Variants in IQCB1 observed in about 807,000 individuals in gnomAD.
IQCB1 encodes IQ calmodulin-binding motif-containing protein 1.
In IQCB1, 56 loss-of-function variants were observed where a neutral mutation model predicts 84.4. The ratio of observed to expected loss-of-function variants is 0.66; its 90% CI spans 0.54 to 0.83. IQCB1 has a LOEUF of 0.83. Ranked by LOEUF, IQCB1 falls within the 40% of genes least tolerant of loss-of-function variation. IQCB1 has a pLI of 0.00. For missense variants in IQCB1, 629 were observed against 682.1 expected, an observed-to-expected ratio of 0.92 and a Z score of 0.87; for synonymous variants, 210 against 234.8, an observed-to-expected ratio of 0.89 and a Z score of 0.96.
At chr3:121,799,125 T>G in intron 8 of IQCB1, 71 bp downstream of exon 8, 4 of 1,118,790 alleles carry the variant, frequency 3.6e-6, no homozygotes, top group Non-Finnish European at 5.4e-6. Context: ...ATAAGAATTT[T>G]GTTTTTCATA....
At chr3:121,776,995 C>T (rs1311504588) in intron 13 of IQCB1, among the ~76,000 whole-genome samples, 1 of 152,126 alleles carries the variant, frequency 6.6e-6, no homozygotes, top group Non-Finnish European at 1.5e-5. Context: ...TTTTAAATTT[C>T]AATAAAGCCA....
At chr3:121,812,359 C>T (rs1298317328) in intron 5 of IQCB1, among the ~76,000 whole-genome samples, 2 of 152,260 alleles carry the variant, frequency 1.3e-5, no homozygotes, top group East Asian at 3.9e-4. Flanking sequence ...ACCAGAACGC[C>T]TCTTCTCCAC....
chr3:121,825,120 G>C, intron 5 of IQCB1, among the ~76,000 whole-genome samples: 1 of 150,650 alleles, frequency 6.6e-6, no homozygotes, highest in East Asian at 1.9e-4. Flanking sequence ...GAGAGCAATG[G>C]CACTATCTTG....
intron 11 of IQCB1, 60 bp downstream of exon 11, chr3:121,790,013 T>G (rs559328108): frequency 5.6e-6 from 8 of 1,435,436 alleles, no homozygotes; most frequent in Non-Finnish European, 6.8e-6. Context: ...CTAGAAAAGT[T>G]GGTTTGTTAA....
intron 5 of IQCB1, among the ~76,000 whole-genome samples, chr3:121,817,235 A>G (rs997515564): frequency 1.3e-5 from 2 of 152,166 alleles, no homozygotes; most frequent in African/African-American, 4.8e-5. Flanking sequence ...AGGGAGGGGA[A>G]CATCACACAC....
At chr3:121,817,759 T>C (rs1950126367) in intron 5 of IQCB1, among the ~76,000 whole-genome samples, 3 of 152,046 alleles carry the variant, frequency 2.0e-5, no homozygotes, top group Non-Finnish European at 1.5e-5. Context: ...TAACCTCTAA[T>C]GTGATGGTGG....
Position 121,780,862 on chromosome 3 carries a change from GTA to G in IQCB1, c.1410+879_1410+880del. ...AGTCTGTGTGTGTATCTGTGTGTGT[GTA>G]TGTGTGTGTGTGTGTGTGTGAGAGA... On this transcript the variant is annotated intron_variant, in intron 13 of 14. Coordinates refer to ENST00000310864, the MANE Select transcript of IQCB1 (RefSeq NM_001023570.4). Among the ~76,000 whole-genome samples the G allele has an allele frequency of 4.1e-5, 5 of 121,278 alleles. No individual in the cohort carries two copies. The East Asian group carries it at 8.2e-4, about 20-fold the overall frequency. 79.6% of individuals were successfully genotyped at this position (121,278 alleles called of 152,430 possible). A position where few individuals can be genotyped will look rare whatever the true frequency, so the allele number is the denominator to read the frequency against.
At chr3:121,771,175 T>C (rs143290713) in intron 14 of IQCB1, among the ~76,000 whole-genome samples, 1,557 of 151,714 alleles carry the variant, frequency 0.01, 19 homozygotes, top group African/African-American at 0.035. Context: ...TTTCACCATG[T>C]TGGTCAGGCT....
intron 13 of IQCB1, among the ~76,000 whole-genome samples, chr3:121,780,854 GTGTGTGTGTA>G (rs1948444404): frequency 7.2e-6 from 1 of 139,360 alleles, no homozygotes; most frequent in Admixed American, 7.9e-5. Context: ...GTGTGTATCT[GTGTGTGTGTA>G]TGTGTGTGTG....
chr3:121,817,519 T>G (rs1341855338), intron 5 of IQCB1, among the ~76,000 whole-genome samples: 1 of 152,188 alleles, frequency 6.6e-6, no homozygotes, highest in Non-Finnish European at 1.5e-5. Context: ...ATACCTCTCA[T>G]TCAATTTCAT....
rs776202551 is a variant in IQCB1, at chr3:121,799,322, C to T, written c.640G>A (p.Val214Ile). 1 of 1,603,430 alleles carries T rather than the reference C, an allele frequency of 6.2e-7. No homozygotes were observed. Among genetic ancestry groups the T allele is most frequent in the Non-Finnish European group, 8.5e-7 (1 of 1,171,712 alleles). Reference sequence around the variant, plus strand: ...GGAGTTGAAAAAAGCTTGAAAATAACTTCATCTAAAATTGAATACAGGGCT... The same window carrying T: ...GGAGTTGAAAAAAGCTTGAAAATAATTTCATCTAAAATTGAATACAGGGCT... ...RKALYSILDE[V>I]IFKLFSTPSP... Residue 214 changes from valine to isoleucine, a missense_variant, in exon 8 of 15, where the codon GTT becomes ATT. Coordinates refer to ENST00000310864, the MANE Select transcript of IQCB1 (RefSeq NM_001023570.4).
chr3:121,788,445 T>C lies in IQCB1; in HGVS notation c.1130-13A>G, dbSNP rs1559763490. The stretch of plus-strand genomic sequence containing the variant: ...TTCTCCACCTGACCTAAAAAGATGA[T>C]AGACACTATTACAACATACTCACTG... On this transcript the variant is annotated splice_polypyrimidine_tract_variant and intron_variant, in intron 11 of 14. Coordinates refer to ENST00000310864, the MANE Select transcript of IQCB1 (RefSeq NM_001023570.4). The C allele has an allele frequency of 8.1e-6, 13 of 1,610,354 alleles. No homozygotes were observed. Among genetic ancestry groups the C allele is most frequent in the Non-Finnish European group, 9.3e-6 (11 of 1,176,884 alleles).
chr3:121,828,893 T>C lies in IQCB1; in HGVS notation c.68A>G (p.Gln23Arg), dbSNP rs200205161. ...CTTCAACAGTATAACAGGGACATTC[T>C]GCTCAGGGCTTTTTGCAACTTCAGC... ...IAAEVAKSPE[Q>R]NVPVILLKLK... Residue 23 changes from glutamine (Q) to arginine (R), a missense_variant, in exon 3 of 15, where the codon CAG becomes CGG. By Grantham distance (43) the Gln-to-Arg change is conservative. Transcript: ENST00000310864. 1.2e-5 allele frequency: 20 copies of C among 1,609,622 alleles called. No individual in the cohort carries two copies. In the Admixed American group the frequency reaches 3.3e-4, roughly 27 times the overall value.
chr3:121,819,448 G>A (rs894016947), intron 5 of IQCB1, among the ~76,000 whole-genome samples: 3 of 152,266 alleles, frequency 2.0e-5, no homozygotes, highest in Admixed American at 6.5e-5. Context: ...TCACTTGCCC[G>A]TCACTTACTT....
chr3:121,785,296 A>G (rs553480028), intron 12 of IQCB1, among the ~76,000 whole-genome samples: 3 of 150,254 alleles, frequency 2.0e-5, no homozygotes, highest in African/African-American at 7.4e-5. Flanking sequence ...CCTATTACCC[A>G]GGCTAGAGTG....
At chr3:121,798,924 T>C (rs903160521) in intron 8 of IQCB1, among the ~76,000 whole-genome samples, 20 of 151,898 alleles carry the variant, frequency 1.3e-4, no homozygotes, top group African/African-American at 4.8e-4. Flanking sequence ...TACTATATGG[T>C]ATATTCAACA....
chr3:121,807,569 C>G (rs1445267851), intron 6 of IQCB1, 126 bp from the exon 7 acceptor site: 6 of 598,036 alleles, frequency 1.0e-5, no homozygotes, highest in Non-Finnish European at 1.2e-5. Context: ...TTTGTAGACT[C>G]TACGATAAAG....
Position 121,835,050 on chromosome 3 carries a change from C to T in IQCB1, c.-186G>A, listed in dbSNP as rs1708209950. The T allele has an allele frequency of 1.7e-6, 1 of 572,766 alleles. No homozygotes were observed. Among genetic ancestry groups the T allele is most frequent in the Non-Finnish European group, 3.1e-6 (1 of 319,356 alleles). The allele number at this position is 572,766 out of a possible 1,614,324, so 35.5% of individuals were successfully genotyped here. A position where few individuals can be genotyped will look rare whatever the true frequency, so the allele number is the denominator to read the frequency against. ...CGCCGCGGCCTTCCGGGGCAGCGTGCGTCGCGACGCGGGAAGGGGCCTGGA... is the reference window on the plus strand; with the variant it reads ...CGCCGCGGCCTTCCGGGGCAGCGTGTGTCGCGACGCGGGAAGGGGCCTGGA... On this transcript the variant is annotated 5_prime_UTR_variant, in exon 1 of 15. Coordinates refer to ENST00000310864, the MANE Select transcript of IQCB1 (RefSeq NM_001023570.4).
chr3:121,809,006 C>T lies in IQCB1; in HGVS notation c.397G>A (p.Glu133Lys), dbSNP rs1285879604. 1 of 1,581,194 alleles carries T rather than the reference C, an allele frequency of 6.3e-7. No individual in the cohort carries two copies. The highest frequency in any genetic ancestry group is 8.7e-7 in the Non-Finnish European group (1 of 1,151,166). ...AAGTGTAGTAATTCATCTTTTTCTT[C>T]AGCCTTAACATAAAAGATAAGCCCA... ...QTCFINAAKA[E>K]EKDELLHFFQ... The change falls in exon 6 of 15, where the codon GAA becomes AAA. Residue 133 changes from glutamate to lysine, a missense_variant. Physicochemically the swap from Glu to Lys is moderately conservative, Grantham distance 56. Transcript: ENST00000310864.
Sources: gnomAD v4.1 joint callset for allele counts (sites outside exome capture counted in the v4.1 genomes callset) on GRCh38, gnomAD v4.1.1 for gene constraint, MANE v1.5 for transcripts, NCBI Gene and HGNC (gene_info 2026-07-23, HGNC 2026-07-21) for gene names.